INPP5E: variants seen among roughly 807,000 people sequenced by gnomAD.
INPP5E encodes the protein phosphatidylinositol polyphosphate 5-phosphatase type IV.
Under a neutral mutation model 50.5 loss-of-function variants are expected in INPP5E, and 34 were observed. The observed-to-expected ratio is 0.67, with a 90% CI of 0.51 to 0.90. The LOEUF is 0.90. Ranked by LOEUF, INPP5E falls within the 40% of genes least tolerant of loss-of-function variation. The pLI is 0.00. For missense variants in INPP5E, 942 were observed against 905.5 expected, an observed-to-expected ratio of 1.04 and a Z score of -0.52; for synonymous variants, 447 against 406.0, an observed-to-expected ratio of 1.10 and a Z score of -1.21.
intron 1 of INPP5E, chr9:136,436,737 A>G (rs1835840348): frequency 6.6e-6 from 1 of 152,276 alleles, no homozygotes; most frequent in Admixed American, 6.5e-5. Context: ...CGAGGTTCCA[A>G]TGTATGTCCC....
chr9:136,429,045 C>T lies in INPP5E; in HGVS notation c.*630G>A, dbSNP rs539039743. The T allele has an allele frequency of 6.9e-4, 115 of 166,118 alleles. No homozygotes were observed. Among genetic ancestry groups the T allele is most frequent in the Non-Finnish European group, 1.3e-3 (96 of 75,200 alleles). 10.3% of individuals were successfully genotyped at this position (166,118 alleles called of 1,614,324 possible). A position where few individuals can be genotyped will look rare whatever the true frequency, so the allele number is the denominator to read the frequency against. ...TTACTCAGCTGGGGAGGCCCTTATACTGGGGTGCAGGCCTCCTCGCCCCAT... is the reference window on the plus strand; with the variant it reads ...TTACTCAGCTGGGGAGGCCCTTATATTGGGGTGCAGGCCTCCTCGCCCCAT... On this transcript the variant is annotated 3_prime_UTR_variant, in exon 10 of 10. Transcript: ENST00000371712.
chr9:136,431,226 G>A (rs1407329535), intron 7 of INPP5E, 109 bp from the exon 8 acceptor site: 12 of 371,532 alleles, frequency 3.2e-5, no homozygotes, highest in Non-Finnish European at 5.6e-5. Flanking sequence ...CCCCCCACCC[G>A]CCGCAGGCCC....
At chr9:136,435,382 C>A (rs990163083) in intron 1 of INPP5E, 6 of 183,222 alleles carry the variant, frequency 3.3e-5, no homozygotes, top group African/African-American at 1.4e-4. Context: ...GGGTCTCACT[C>A]CGTGCCCAGG....
intron 5 of INPP5E, among the ~76,000 whole-genome samples, 164 bp from the exon 6 acceptor site, chr9:136,432,750 C>G (rs1262092102): frequency 2.0e-5 from 3 of 152,242 alleles, no homozygotes; most frequent in African/African-American, 7.2e-5. Context: ...CCTCGGAGGA[C>G]AGAGCACGGG....
Position 136,431,010 on chromosome 9 carries a change from A to G in INPP5E, c.1657T>C (p.Ser553Pro). ...YDSTSKQRTPSYTDRVLYRSR... is the reference protein window; with the variant it reads ...YDSTSKQRTPPYTDRVLYRSR... ...CGGTGGGCAGGCCTCACCGTGTATG[A>G]GGGCGTCCTCTGCTTGGAGGTGCTG... The change falls in exon 8 of 10, where the codon TCA (serine) becomes CCA (proline). Residue 553 changes from serine to proline, a missense_variant. Transcript: ENST00000371712. 1 of 1,609,672 alleles carries G rather than the reference A, an allele frequency of 6.2e-7. No homozygotes were observed. Among genetic ancestry groups the G allele is most frequent in the Non-Finnish European group, 8.5e-7 (1 of 1,176,516 alleles).
At chr9:136,434,350 G>C (rs1266049592) in intron 2 of INPP5E, among the ~76,000 whole-genome samples, 2 of 152,180 alleles carry the variant, frequency 1.3e-5, no homozygotes, top group South Asian at 4.1e-4. Flanking sequence ...CTCCAAGCAC[G>C]AGTCTGTCCA....
intron 1 of INPP5E, among the ~76,000 whole-genome samples, chr9:136,435,176 T>G (rs915974857): frequency 2.0e-5 from 3 of 152,060 alleles, no homozygotes; most frequent in African/African-American, 7.2e-5. Context: ...TCCCAAACTA[T>G]AAGCCAAGGC....
intron 1 of INPP5E, chr9:136,437,863 C>A (rs1835862342): frequency 6.6e-6 from 1 of 152,626 alleles, no homozygotes; most frequent in African/African-American, 2.4e-5. Context: ...CAAGACAAGA[C>A]CAGGCTTGGG....
Position 136,431,843 on chromosome 9 carries a change from G to T in INPP5E, c.1530C>A (p.Leu510=). The change falls in exon 7 of 10, where the codon CTC becomes CTA. Residue 510 remains leucine (L), a synonymous_variant. Coordinates refer to ENST00000371712, the MANE Select transcript of INPP5E (RefSeq NM_019892.6). ...DVPALLQHDQ[L]IREMRKGSIF... is the part of the protein sequence containing the mutation. ...CCTCACCTTTCCGCATCTCCCGGAT[G>T]AGCTGGTCGTGCTGCAGCAGCGCCG... 6.2e-7 allele frequency: 1 copy of T among 1,604,772 alleles called. No homozygotes were observed. Among genetic ancestry groups the T allele is most frequent in the South Asian group, 1.1e-5 (1 of 90,570 alleles).
At position 136,438,695 on chromosome 9, in the gene INPP5E, G is replaced by C. The variant is rs1053959890; in HGVS notation, c.725C>G (p.Pro242Arg). 6.2e-7 allele frequency: 1 copy of C among 1,600,800 alleles called. No homozygotes were observed. Among genetic ancestry groups the C allele is most frequent in the Non-Finnish European group, 8.5e-7 (1 of 1,174,070 alleles). ...SSLGPGRPRSPLACDDCSLRS... is the reference protein window; with the variant it reads ...SSLGPGRPRSRLACDDCSLRS... ...AAGGGAACAGTCGTCGCAGGCCAGG[G>C]GGCTCCGCGGCCGGCCGGGGCCCAG... The change falls in exon 1 of 10, where the codon CCC (proline) becomes CGC (arginine). Residue 242 changes from proline (P) to arginine (R), a missense_variant. Physicochemically the swap from Pro to Arg is moderately radical, Grantham distance 103. Transcript: ENST00000371712.
In INPP5E at chr9:136,429,271, C is replaced by A; in HGVS notation, c.*404G>T. ...CTGCCAGGAGGACACAGATGGACGC[C>A]TGCTTCGGGTGTGGAGGGAGAGGCT... is the stretch of plus-strand genomic sequence containing the variant. On this transcript the variant is annotated 3_prime_UTR_variant, in exon 10 of 10. Coordinates refer to ENST00000371712, the MANE Select transcript of INPP5E (RefSeq NM_019892.6). 3.0e-6 allele frequency: 1 copy of A among 328,440 alleles called. No homozygotes were observed. Among genetic ancestry groups the A allele is most frequent in the Non-Finnish European group, 6.0e-6 (1 of 167,668 alleles). The allele number at this position is 328,440 out of a possible 1,614,324, so 20.3% of individuals were successfully genotyped here. A position where few individuals can be genotyped will look rare whatever the true frequency, so the allele number is the denominator to read the frequency against.
At position 136,439,249 on chromosome 9, in the gene INPP5E, C is replaced by T. The variant is rs903053415; in HGVS notation, c.171G>A (p.Thr57=). ...GGGCTGGCGGGTCCTCGCCGCTGGG[C>T]GTGGCCGGAGTGCTGCAGGCAAGCG... ...SPALACSTPA[T]PSGEDPPARA... The change falls in exon 1 of 10, where the codon ACG becomes ACA. Residue 57 remains threonine (T), a synonymous_variant. Transcript: ENST00000371712. 6.6e-7 allele frequency: 1 copy of T among 1,514,970 alleles called. No homozygotes were observed. Among genetic ancestry groups the T allele is most frequent in the Non-Finnish European group, 8.8e-7 (1 of 1,137,174 alleles). 93.8% of individuals were successfully genotyped at this position (1,514,970 alleles called of 1,614,324 possible). A position where few individuals can be genotyped will look rare whatever the true frequency, so the allele number is the denominator to read the frequency against.
At chr9:136,430,443 C>T (rs1033384371) in intron 8 of INPP5E, 30 bp from the exon 9 acceptor site, 17 of 1,552,440 alleles carry the variant, frequency 1.1e-5, no homozygotes, top group Non-Finnish European at 1.5e-5. Flanking sequence ...GCAGGAGGTC[C>T]AGTTACTTGT....
intron 1 of INPP5E, chr9:136,437,540 C>A (rs1835856782): frequency 6.6e-6 from 1 of 152,450 alleles, no homozygotes. Flanking sequence ...GGAGGACCCT[C>A]CCCTGAGCCT....
Position 136,429,652 on chromosome 9 carries a change from T to C in INPP5E, c.*23A>G. 6.2e-7 allele frequency: 1 copy of C among 1,613,562 alleles called. No individual in the cohort carries two copies. The highest frequency in any genetic ancestry group is 8.5e-7 in the Non-Finnish European group (1 of 1,179,950). On this transcript the variant is annotated 3_prime_UTR_variant, in exon 10 of 10. Transcript: ENST00000371712. ...CAATACAATCACCCCACGTTGCAGC[T>C]GTGAGTCCTCGTTCAGCAAACTTCA...
intron 1 of INPP5E, chr9:136,437,899 C>G (rs1280288996): frequency 1.3e-5 from 2 of 153,762 alleles, no homozygotes; most frequent in Non-Finnish European, 1.4e-5. Flanking sequence ...AGCTGCAGTT[C>G]CTTCCAGCAA....
chr9:136,439,004 T>C lies in INPP5E; in HGVS notation c.416A>G (p.Glu139Gly). 6.3e-7 allele frequency: 1 copy of C among 1,587,398 alleles called. No homozygotes were observed. ...CAGGACCCCGCGGGACTTGGGGATT[T>C]CCTGCAAGGAGGTGCTCAGGCAGGG... ...SPPCLSTSLQEIPKSRGVLSS... is the reference protein window; with the variant it reads ...SPPCLSTSLQGIPKSRGVLSS... Residue 139 changes from glutamate (E) to glycine (G), a missense_variant, in exon 1 of 10, where the codon GAA becomes GGA. Coordinates refer to ENST00000371712, the MANE Select transcript of INPP5E (RefSeq NM_019892.6).
rs200794870 is a variant in INPP5E, at chr9:136,434,095, C to T, written c.976G>A (p.Glu326Lys). The T allele has an allele frequency of 5.1e-5, 82 of 1,610,924 alleles. No homozygotes were observed. In the East Asian group the frequency reaches 1.0e-3, roughly 20 times the overall value. ...PSLDEFLLPA[E>K]ADYAQDLYVI... is the part of the protein sequence containing the mutation. The stretch of plus-strand genomic sequence containing the variant: ...TACAGGTCCTGGGCATAGTCGGCCT[C>T]GGCTGGGAGCAGGAACTCGTCCAGG... The change falls in exon 3 of 10, where the codon GAG (glutamate) becomes AAG (lysine). Residue 326 changes from glutamate (E) to lysine (K), a missense_variant. Physicochemically the swap from Glu to Lys is moderately conservative, Grantham distance 56. Transcript: ENST00000371712.
intron 5 of INPP5E, 60 bp from the exon 6 acceptor site, chr9:136,432,646 G>T: frequency 8.6e-7 from 1 of 1,160,990 alleles, no homozygotes. Flanking sequence ...TCTCCCTAAA[G>T]CGCCGCACCT....
Sources: gnomAD v4.1 joint callset for allele counts (sites outside exome capture counted in the v4.1 genomes callset) on GRCh38, gnomAD v4.1.1 for gene constraint, MANE v1.5 for transcripts, NCBI Gene and HGNC (gene_info 2026-07-23, HGNC 2026-07-21) for gene names.